The following AMOTL2 variants were observed in gnomAD, a reference collection of about 807,000 sequenced individuals.
AMOTL2 encodes the protein angiomotin-like protein 2.
In AMOTL2, 33 loss-of-function variants were observed where a neutral mutation model predicts 78.4. The ratio of observed to expected loss-of-function variants is 0.42; its 90% CI spans 0.32 to 0.56. AMOTL2 has a LOEUF of 0.56. AMOTL2 is among the 20% of genes least tolerant of loss of function. AMOTL2 has a pLI of 0.12. For synonymous variants in AMOTL2, 422 were observed against 428.8 expected (o/e 0.98, Z 0.20); for missense variants, 983 against 1,030.1 (o/e 0.95, Z 0.63).
At chr3:134,373,388 A>G (rs894772934) in intron 1 of AMOTL2, 1 of 860,704 alleles carries the variant, frequency 1.2e-6, no homozygotes. Flanking sequence ...CCGGACTGGG[A>G]GCAAGGAACA....
intron 5 of AMOTL2, among the ~76,000 whole-genome samples, chr3:134,362,496 C>A (rs1456319644): frequency 3.9e-5 from 6 of 152,144 alleles, no homozygotes; most frequent in Admixed American, 1.3e-4. Flanking sequence ...CTCTGGGGCT[C>A]CTTCTGCAGA....
chr3:134,373,152 G>GC (rs55852734), intron 1 of AMOTL2, among the ~76,000 whole-genome samples: 2 of 151,816 alleles, frequency 1.3e-5, no homozygotes, highest in African/African-American at 4.8e-5. Context: ...CCAGTCATGC[G>GC]CCCCCCACAC....
intron 7 of AMOTL2, among the ~76,000 whole-genome samples, chr3:134,359,827 G>T (rs2017268903): frequency 1.3e-5 from 2 of 152,200 alleles, no homozygotes; most frequent in Non-Finnish European, 2.9e-5. Flanking sequence ...CATCCTGGAG[G>T]GCGGCACTCC....
At chr3:134,373,528 C>T (rs538458627) in intron 1 of AMOTL2, 6 of 985,510 alleles carry the variant, frequency 6.1e-6, no homozygotes, top group South Asian at 9.4e-5. Flanking sequence ...CTGCTGCACT[C>T]GCCCGCTGCG....
upstream of AMOTL2, chr3:134,375,316 C>T (rs1207420113): frequency 5.2e-6 from 7 of 1,334,362 alleles, no homozygotes; most frequent in Admixed American, 5.9e-5. Context: ...TCAGCCCTGC[C>T]AAGCACCCTC....
Position 134,359,296 on chromosome 3 carries a change from A to G in AMOTL2, c.2091T>C (p.Ala697=), listed in dbSNP as rs1374428085. 6.2e-7 allele frequency: 1 copy of G among 1,614,178 alleles called. No homozygotes were observed. The highest frequency in any genetic ancestry group is 8.5e-7 in the Non-Finnish European group (1 of 1,180,018). Residue 697 remains alanine, a synonymous_variant, in exon 8 of 10, where the codon GCT becomes GCC. Transcript: ENST00000249883. ...GCCTCCTCTTACCTGTAGTCAGCCGAGCAGGGGCGTCTGCTGTTTGTCGCT... is the reference window on the plus strand; with the variant it reads ...GCCTCCTCTTACCTGTAGTCAGCCGGGCAGGGGCGTCTGCTGTTTGTCGCT... The part of the protein sequence containing the change: ...SSERQTADAP[A]RLTTADRAPT...
rs772003555 is a variant in AMOTL2 at position 134,357,737 on chromosome 3, C to T, written c.2311G>A (p.Asp771Asn). The change falls in exon 10 of 10, where the codon GAC becomes AAC. Residue 771 changes from aspartate (D) to asparagine (N), a missense_variant. Transcript: ENST00000249883. ...LDSVATSRVQDLSDMVEILI is the reference protein window; with the variant it reads ...LDSVATSRVQNLSDMVEILI ...AGTATCTCCACCATGTCTGACAAGT[C>T]CTGGACTCTGGATGTAGCTACAGAG... 1 of 1,614,170 alleles carries T rather than the reference C, an allele frequency of 6.2e-7. No individual in the cohort carries two copies. The highest frequency in any genetic ancestry group is 1.1e-5 in the South Asian group (1 of 91,080).
chr3:134,368,951 T>C (rs960879816), intron 2 of AMOTL2, among the ~76,000 whole-genome samples: 1 of 152,074 alleles, frequency 6.6e-6, no homozygotes, highest in African/African-American at 2.4e-5. Flanking sequence ...TCACAAAGAA[T>C]CTTCCAAGTC....
At chr3:134,365,638 G>A (rs1182350289) in intron 5 of AMOTL2, among the ~76,000 whole-genome samples, 179 bp downstream of exon 5, 1 of 152,212 alleles carries the variant, frequency 6.6e-6, no homozygotes, top group Non-Finnish European at 1.5e-5. Flanking sequence ...TTCTTCTTTG[G>A]AAGCCACTTA....
At chr3:134,373,834 TG>T in intron 1 of AMOTL2, 1 of 985,400 alleles carries the variant, frequency 1.0e-6, no homozygotes, top group Non-Finnish European at 1.2e-6. Flanking sequence ...GTCACCGGGC[TG>T]GACAGCAGGC....
chr3:134,359,500 T>C lies in AMOTL2; in HGVS notation c.1887A>G (p.Leu629=), dbSNP rs1189780153. The C allele has an allele frequency of 6.2e-7, 1 of 1,612,372 alleles. No individual in the cohort carries two copies. The highest frequency in any genetic ancestry group is 1.3e-5 in the African/African-American group (1 of 74,904). The part of the protein sequence containing the change: ...GHRHQEMESR[L]KVLHAQILEK... ...CCAGGATCTGGGCATGGAGCACCTT[T>C]AACCTGAGGGGTGAGAGGCCATGCC... The change falls in exon 8 of 10, where the codon TTA becomes TTG. Residue 629 remains leucine (L), a synonymous_variant. Transcript: ENST00000249883.
chr3:134,366,894 T>C (rs1263761855), intron 3 of AMOTL2: 1 of 155,904 alleles, frequency 6.4e-6, no homozygotes, highest in Non-Finnish European at 1.4e-5. Flanking sequence ...CTGCTAAAAC[T>C]GAGCCTCAGC....
upstream of AMOTL2, chr3:134,374,615 C>T: frequency 1.0e-6 from 1 of 985,410 alleles, no homozygotes; most frequent in Non-Finnish European, 1.2e-6. Context: ...CTCCCTCCTC[C>T]CGGCCCCCGC....
At chr3:134,361,450 G>T in intron 6 of AMOTL2, 62 bp downstream of exon 6, 1 of 1,494,184 alleles carries the variant, frequency 6.7e-7, no homozygotes, top group East Asian at 2.4e-5. Flanking sequence ...TACAGTCCCC[G>T]AGGAGGAAGG....
rs759466551 is a variant in AMOTL2, at chr3:134,358,713, C to G, written c.2111G>C (p.Arg704Thr). The part of the protein sequence containing the change: ...DAPARLTTAD[R>T]APTEEPVVTA... ...GACCACTGGCTCCTCTGTGGGTGCT[C>G]TGTCTGCTGGAAAGGTAGGTGGATG... Residue 704 changes from arginine (R) to threonine (T), a missense_variant, in exon 9 of 10, where the codon AGA (arginine) becomes ACA (threonine). Transcript: ENST00000249883. 2.5e-6 allele frequency: 4 copies of G among 1,614,082 alleles called. No individual in the cohort carries two copies. Among genetic ancestry groups the G allele is most frequent in the Non-Finnish European group, 3.4e-6 (4 of 1,180,024 alleles).
chr3:134,374,388 G>A lies in AMOTL2; in HGVS notation c.-108C>T, dbSNP rs2018008216. On this transcript the variant is annotated 5_prime_UTR_variant, in exon 1 of 10. Coordinates refer to ENST00000249883, the MANE Select transcript of AMOTL2 (RefSeq NM_016201.4). ...AGCGCAGTCAGACACCACAACCTCC[G>A]GCTCGGCCCAGCTCAGCTCGGCGGC... 1 of 985,116 alleles carries A rather than the reference G, an allele frequency of 1.0e-6. No homozygotes were observed. Among genetic ancestry groups the A allele is most frequent in the South Asian group, 4.7e-5 (1 of 21,264 alleles). 61.0% of individuals were successfully genotyped at this position (985,116 alleles called of 1,614,324 possible). A position where few individuals can be genotyped will look rare whatever the true frequency, so the allele number is the denominator to read the frequency against.
rs1326107072 is a variant in AMOTL2 at position 134,374,325 on chromosome 3, C to G, written c.-62+17G>C. 8 of 985,304 alleles carry G rather than the reference C, an allele frequency of 8.1e-6. No homozygotes were observed. The highest frequency in any genetic ancestry group is 3.5e-5 in the African/African-American group (2 of 57,248). The allele number at this position is 985,304 out of a possible 1,614,324, so 61.0% of individuals were successfully genotyped here. On this transcript the variant is annotated intron_variant, in intron 1 of 9. Coordinates refer to ENST00000249883, the MANE Select transcript of AMOTL2 (RefSeq NM_016201.4). ...TGGCCTCGCGCGCTCTCCCGAGCGC[C>G]GAGCGGCCTTCCTTACCGCTGCGGC... is the stretch of plus-strand genomic sequence containing the variant.
rs199955100 is a variant in AMOTL2 at position 134,371,060 on chromosome 3, C to T, written c.374G>A (p.Arg125Gln). ...GGGATCTCGGTCCCCCGCATGTGGC[C>T]GGGTCCCTGCCTGCTGGGCCGCATA... ...QYYAAQQAGT[R>Q]PHAGDRDPRG... Residue 125 changes from arginine to glutamine, a missense_variant, in exon 2 of 10, where the codon CGG becomes CAG. Transcript: ENST00000249883. 27 of 1,609,790 alleles carry T rather than the reference C, an allele frequency of 1.7e-5. No individual in the cohort carries two copies. The Admixed American group carries it at 1.7e-4, about 10-fold the overall frequency.
In AMOTL2 at chr3:134,371,480, C is replaced by T; in HGVS notation, c.-47G>A. 6.3e-7 allele frequency: 1 copy of T among 1,589,598 alleles called. No individual in the cohort carries two copies. The highest frequency in any genetic ancestry group is 1.1e-5 in the South Asian group (1 of 90,922). On this transcript the variant is annotated 5_prime_UTR_variant, in exon 2 of 10. Coordinates refer to ENST00000249883, the MANE Select transcript of AMOTL2 (RefSeq NM_016201.4). ...CTGCCTGGACAATGGCCGGTGGCAC[C>T]TGGCCCCAGAGCACCTGGAGTGGGG... is the stretch of plus-strand genomic sequence containing the variant.
Sources: allele counts gnomAD v4.1 joint callset (sites outside exome capture counted in the v4.1 genomes callset), GRCh38; gene constraint gnomAD v4.1.1; transcripts MANE v1.5; gene names NCBI Gene and HGNC (gene_info 2026-07-23, HGNC 2026-07-21).